The following STRADB variants were observed in gnomAD, a reference collection of about 807,000 sequenced individuals.
The protein encoded by STRADB is STE20 related adaptor beta.
STRADB carries 34 observed loss-of-function variants against 52.1 expected under a neutral mutation model. That is an observed-to-expected ratio of 0.65 (90% CI 0.50 to 0.87). The LOEUF is 0.87. Ranked by LOEUF, STRADB falls within the 40% of genes least tolerant of loss-of-function variation. The pLI, the probability that STRADB is intolerant of heterozygous loss-of-function variation, is 0.00. For missense variants in STRADB, 340 were observed against 483.9 expected (o/e 0.70, Z 2.79); for synonymous variants, 133 against 174.5 (o/e 0.76, Z 1.87).
In STRADB at chr2:201,478,179, G is replaced by A. The variant is rs1269839120; in HGVS notation, c.813G>A (p.Met271Ile). 1.2e-6 allele frequency: 2 copies of A among 1,612,880 alleles called. No homozygotes were observed. Among genetic ancestry groups the A allele is most frequent in the Non-Finnish European group, 1.7e-6 (2 of 1,179,478 alleles). ...GTGGGCAGGTGCCTTTCCAGGACAT[G>A]CATAGAACTCAGGTAAGTGCTGCTA... ...LASGQVPFQDMHRTQMLLQKL... is the reference protein window; with the variant it reads ...LASGQVPFQDIHRTQMLLQKL... Residue 271 changes from methionine to isoleucine, a missense_variant, in exon 9 of 12, where the codon ATG becomes ATA. Coordinates refer to ENST00000194530, the MANE Select transcript of STRADB (RefSeq NM_018571.6).
intron 10 of STRADB, chr2:201,479,056 G>A (rs13416209): frequency 0.01 from 1,876 of 183,576 alleles, 55 homozygotes; most frequent in African/African-American, 0.043. Flanking sequence ...CTAGGTGACA[G>A]AGCGAGACTC....
chr2:201,466,925 A>T (rs1952313427), intron 3 of STRADB, among the ~76,000 whole-genome samples: 1 of 152,218 alleles, frequency 6.6e-6, no homozygotes, highest in South Asian at 2.1e-4. Context: ...ACAGAAAGGT[A>T]TGTTTCACCA....
chr2:201,477,052 G>T (rs1299609950), intron 7 of STRADB, among the ~76,000 whole-genome samples: 30 of 57,032 alleles, frequency 5.3e-4, no homozygotes, highest in East Asian at 1.3e-3. Flanking sequence ...AATATTATCA[G>T]TTTTTTTTTT....
At position 201,478,210 on chromosome 2, in the gene STRADB, C is replaced by G. The variant is rs1475961033; in HGVS notation, c.825+19C>G. 1 of 1,602,894 alleles carries G rather than the reference C, an allele frequency of 6.2e-7. No individual in the cohort carries two copies. Reference sequence around the variant, plus strand: ...AACTCAGGTAAGTGCTGCTAAAATCCCTGAGCTACTTGCCTTTCATAAGAC... The same window carrying G: ...AACTCAGGTAAGTGCTGCTAAAATCGCTGAGCTACTTGCCTTTCATAAGAC... On this transcript the variant is annotated intron_variant, in intron 9 of 11. Transcript: ENST00000194530.
At chr2:201,478,674 C>T in intron 10 of STRADB, 73 bp downstream of exon 10, 2 of 1,488,520 alleles carry the variant, frequency 1.3e-6, no homozygotes, top group Middle Eastern at 1.8e-4. Flanking sequence ...TAACATTGCC[C>T]TTCCAGGAGA....
At chr2:201,475,882 T>C in intron 7 of STRADB, 140 bp downstream of exon 7, 1 of 854,112 alleles carries the variant, frequency 1.2e-6, no homozygotes, top group East Asian at 2.7e-5. Flanking sequence ...GAAGGGACCA[T>C]TAGGTGCAGT....
chr2:201,471,427 T>C (rs1409251128), intron 4 of STRADB, among the ~76,000 whole-genome samples: 1 of 152,210 alleles, frequency 6.6e-6, no homozygotes, highest in Non-Finnish European at 1.5e-5. Context: ...GGTGGAGATT[T>C]GGAATTGTCC....
intron 5 of STRADB, 73 bp from the exon 6 acceptor site, chr2:201,474,574 C>A: frequency 1.5e-6 from 2 of 1,315,574 alleles, no homozygotes; most frequent in Non-Finnish European, 2.2e-6. Context: ...TATTAGCTGC[C>A]ACGACCGCCA....
At chr2:201,477,881 T>G in intron 8 of STRADB, 91 bp downstream of exon 8, 1 of 1,459,408 alleles carries the variant, frequency 6.9e-7, no homozygotes, top group South Asian at 1.3e-5. Context: ...TTTGGATTGG[T>G]GAATGGCCTT....
rs778100301 is a variant in STRADB at position 201,477,817 on chromosome 2, G to A, written c.720+27G>A. 5.0e-6 allele frequency: 8 copies of A among 1,603,382 alleles called. No individual in the cohort carries two copies. In the Admixed American group the frequency reaches 6.7e-5, roughly 13 times the overall value. On this transcript the variant is annotated intron_variant, in intron 8 of 11. Transcript: ENST00000194530. Reference sequence around the variant, plus strand: ...TCAGGTGTGGCCGTTGGATTGGGTTGTCTGTGTCTCAAGTGTCTTCTGAGT... The same window carrying A: ...TCAGGTGTGGCCGTTGGATTGGGTTATCTGTGTCTCAAGTGTCTTCTGAGT...
At position 201,480,591 on chromosome 2, in the gene STRADB, G is replaced by A. The variant is rs1952555237; in HGVS notation, c.*416G>A. On this transcript the variant is annotated 3_prime_UTR_variant, in exon 12 of 12. Transcript: ENST00000194530. ...TTAATGAGCTATTGTTAAACCAACAGGCTAGTTTATCTTACATCAGACCCT... is the reference window on the plus strand; with the variant it reads ...TTAATGAGCTATTGTTAAACCAACAAGCTAGTTTATCTTACATCAGACCCT... 1 of 996,294 alleles carries A rather than the reference G, an allele frequency of 1.0e-6. No individual in the cohort carries two copies. The highest frequency in any genetic ancestry group is 4.5e-5 in the South Asian group (1 of 22,406). The allele number at this position is 996,294 out of a possible 1,614,324, so 61.7% of individuals were successfully genotyped here.
chr2:201,458,888 G>A (rs1952169603), intron 3 of STRADB, 24 bp downstream of exon 3: 3 of 1,598,932 alleles, frequency 1.9e-6, no homozygotes, highest in East Asian at 2.2e-5. Context: ...TAGGCTGGAT[G>A]CAGTGGTTCA....
In STRADB at chr2:201,473,154, G is replaced by T. The variant is rs1351062789; in HGVS notation, c.315+78G>T. 7 of 1,269,364 alleles carry T rather than the reference G, an allele frequency of 5.5e-6. No individual in the cohort carries two copies. The South Asian group carries it at 1.1e-4, about 20-fold the overall frequency. 78.6% of individuals were successfully genotyped at this position (1,269,364 alleles called of 1,614,324 possible). A position where few individuals can be genotyped will look rare whatever the true frequency, so the allele number is the denominator to read the frequency against. On this transcript the variant is annotated intron_variant, in intron 5 of 11. Coordinates refer to ENST00000194530, the MANE Select transcript of STRADB (RefSeq NM_018571.6). Reference sequence around the variant, plus strand: ...CACATCTGCAGATTCAACCAATTGTGAATAGAAAATATATATTTTAAAATA... The same window carrying T: ...CACATCTGCAGATTCAACCAATTGTTAATAGAAAATATATATTTTAAAATA...
intron 10 of STRADB, 22 bp downstream of exon 10, chr2:201,478,623 TAG>T: frequency 6.2e-7 from 1 of 1,608,526 alleles, no homozygotes. Flanking sequence ...CTCTTTTAAA[TAG>T]CACAAAATGT....
intron 2 of STRADB, among the ~76,000 whole-genome samples, chr2:201,458,138 T>C (rs943770194): frequency 6.6e-6 from 1 of 152,264 alleles, no homozygotes; most frequent in Non-Finnish European, 1.5e-5. Flanking sequence ...AAATAGTATG[T>C]CAGCTTCACC....
intron 3 of STRADB, among the ~76,000 whole-genome samples, chr2:201,462,824 AATGTT>A (rs1952236777): frequency 6.6e-6 from 1 of 152,184 alleles, no homozygotes; most frequent in African/African-American, 2.4e-5. Context: ...CCACAATTAC[AATGTT>A]ATAATAGTCT....
chr2:201,478,477 G>A lies in STRADB; in HGVS notation c.946G>A (p.Val316Met). 1 of 1,613,772 alleles carries A rather than the reference G, an allele frequency of 6.2e-7. No individual in the cohort carries two copies. The highest frequency in any genetic ancestry group is 8.5e-7 in the Non-Finnish European group (1 of 1,179,942). ...SGVDSGIGES[V>M]LVSSGTHTVN... ...TGTAGACTCTGGGATTGGAGAAAGT[G>A]TGCTTGTCTCCAGTGGAACTCACAC... The change falls in exon 10 of 12, where the codon GTG (valine) becomes ATG (methionine). Residue 316 changes from valine to methionine, a missense_variant. Transcript: ENST00000194530.
rs1262056422 is a variant in STRADB, at chr2:201,479,545, T to G, written c.1113+14T>G. 6.3e-7 allele frequency: 1 copy of G among 1,594,228 alleles called. No individual in the cohort carries two copies. The highest frequency in any genetic ancestry group is 1.8e-5 in the Admixed American group (1 of 54,210). On this transcript the variant is annotated intron_variant, in intron 11 of 11. Transcript: ENST00000194530. ...TTCTTCAAACAGGTGAGCTGATCTA[T>G]CATCCGTTGTCTCGATGTTTTTAAT... is the stretch of plus-strand genomic sequence containing the variant.
rs571239748 is a variant in STRADB, at chr2:201,467,244, T to C, written c.94-2709T>C. Reference sequence around the variant, plus strand: ...AGTTTAATGTATAATGGAGAAGTAATGACAGCTGTCAAAGTACTTGAAATT... The same window carrying C: ...AGTTTAATGTATAATGGAGAAGTAACGACAGCTGTCAAAGTACTTGAAATT... On this transcript the variant is annotated intron_variant, in intron 3 of 11. Coordinates refer to ENST00000194530, the MANE Select transcript of STRADB (RefSeq NM_018571.6). 2.6e-5 allele frequency among the ~76,000 whole-genome samples: 4 copies of C among 152,378 alleles called. No homozygotes were observed. The East Asian group carries it at 7.7e-4, about 29-fold the overall frequency.
Sources: gnomAD v4.1 joint callset for allele counts (sites outside exome capture counted in the v4.1 genomes callset) on GRCh38, gnomAD v4.1.1 for gene constraint, MANE v1.5 for transcripts, NCBI Gene and HGNC (gene_info 2026-07-23, HGNC 2026-07-21) for gene names.